Variants in SPATS2 observed in about 807,000 individuals in gnomAD.
SPATS2 encodes the protein spermatogenesis associated serine rich 2.
SPATS2 carries 38 observed loss-of-function variants against 63.7 expected under a neutral mutation model. The observed-to-expected ratio is 0.60, with a 90% CI of 0.46 to 0.78. The LOEUF (loss-of-function observed/expected upper bound fraction) is 0.78. Ranked by LOEUF, SPATS2 falls within the 30% of genes least tolerant of loss-of-function variation. The pLI, the probability that SPATS2 is intolerant of heterozygous loss-of-function variation, is 0.00. For missense variants in SPATS2, 588 were observed against 666.2 expected (o/e 0.88, Z 1.29); for synonymous variants, 207 against 232.9 (o/e 0.89, Z 1.01).
At chr12:49,390,271 G>T in intron 2 of SPATS2, 1 of 618,036 alleles carries the variant, frequency 1.6e-6, no homozygotes. Flanking sequence ...CTTTAAATAT[G>T]TACAGTGTAC....
intron 2 of SPATS2, among the ~76,000 whole-genome samples, chr12:49,424,711 C>G (rs1945041499): frequency 6.6e-6 from 1 of 152,118 alleles, no homozygotes; most frequent in East Asian, 1.9e-4. Context: ...GAGTTTTGCT[C>G]TTTTGCCCAG....
chr12:49,386,981 G>C (rs1242807275), intron 2 of SPATS2: 1 of 152,166 alleles, frequency 6.6e-6, no homozygotes, highest in Non-Finnish European at 1.5e-5. Flanking sequence ...TAGTGTAGAA[G>C]GTCACAGTAA....
At chr12:49,392,602 A>G (rs1279620818) in intron 2 of SPATS2, among the ~76,000 whole-genome samples, 1 of 151,656 alleles carries the variant, frequency 6.6e-6, no homozygotes, top group Non-Finnish European at 1.5e-5. Flanking sequence ...AGTCCCAGCT[A>G]CTCAGGAAGC....
At chr12:49,525,245 G>A (rs1001592495) in intron 13 of SPATS2, among the ~76,000 whole-genome samples, 1 of 152,216 alleles carries the variant, frequency 6.6e-6, no homozygotes, top group Admixed American at 6.5e-5. Flanking sequence ...TCTGAAAGCA[G>A]CAGCTCCCTA....
At chr12:49,402,045 C>T (rs1439708066) in intron 2 of SPATS2, among the ~76,000 whole-genome samples, 1 of 152,218 alleles carries the variant, frequency 6.6e-6, no homozygotes, top group African/African-American at 2.4e-5. Context: ...GGTGCAAACA[C>T]GGCTCATCGC....
At chr12:49,403,611 A>ACT (rs986752342) in intron 2 of SPATS2, among the ~76,000 whole-genome samples, 3 of 150,474 alleles carry the variant, frequency 2.0e-5, no homozygotes, top group Non-Finnish European at 4.4e-5. Context: ...ACACACACAC[A>ACT]CACACACACA....
At chr12:49,367,296 G>C (rs888235359), upstream of SPATS2, 7 of 363,970 alleles carry the variant, frequency 1.9e-5, no homozygotes, top group African/African-American at 1.3e-4. Context: ...GCGCGCACGC[G>C]CCCGAGAGGG....
At chr12:49,404,323 G>C (rs1944659274) in intron 2 of SPATS2, among the ~76,000 whole-genome samples, 1 of 133,944 alleles carries the variant, frequency 7.5e-6, no homozygotes, top group South Asian at 2.4e-4. Flanking sequence ...ATCTTGCTCT[G>C]TTGCCTAGAC....
At chr12:49,455,400 A>G (rs1202866011) in intron 2 of SPATS2, among the ~76,000 whole-genome samples, 1 of 152,162 alleles carries the variant, frequency 6.6e-6, no homozygotes, top group Non-Finnish European at 1.5e-5. Flanking sequence ...AACATTTACC[A>G]AGGTCTCCTA....
intron 2 of SPATS2, among the ~76,000 whole-genome samples, chr12:49,409,285 A>G (rs1233609187): frequency 6.6e-6 from 1 of 152,052 alleles, no homozygotes; most frequent in African/African-American, 2.4e-5. Context: ...AGAATATTTT[A>G]GAAGTTTTTT....
intron 2 of SPATS2, among the ~76,000 whole-genome samples, chr12:49,456,405 A>G (rs1014350207): frequency 2.0e-5 from 3 of 152,236 alleles, no homozygotes; most frequent in Admixed American, 6.5e-5. Context: ...AAGGGATGAT[A>G]AAGAGGCCAG....
At position 49,494,941 on chromosome 12, in the gene SPATS2, A is replaced by G. The variant is rs777584207; in HGVS notation, c.465A>G (p.Ser155=). The G allele has an allele frequency of 1.9e-6, 3 of 1,614,034 alleles. No homozygotes were observed. Among genetic ancestry groups the G allele is most frequent in the Non-Finnish European group, 2.5e-6 (3 of 1,179,984 alleles). The change falls in exon 7 of 14, where the codon TCA becomes TCG. Residue 155 remains serine (S), a synonymous_variant. Transcript: ENST00000552918. ...DSLSEGLETL[S]IDARELEDPE... ...TCAGTGAAGGTTTGGAGACACTTTC[A>G]ATAGATGCCAGAGAATTGGAGGATC...
At chr12:49,385,671 G>A (rs1254358709) in intron 2 of SPATS2, among the ~76,000 whole-genome samples, 4 of 152,060 alleles carry the variant, frequency 2.6e-5, no homozygotes, top group Non-Finnish European at 5.9e-5. Context: ...GTGCTTAGCT[G>A]AGAGTGAGGA....
At chr12:49,464,976 T>C (rs1345575698) in intron 3 of SPATS2, among the ~76,000 whole-genome samples, 3 of 152,232 alleles carry the variant, frequency 2.0e-5, no homozygotes, top group African/African-American at 7.2e-5. Flanking sequence ...CACATATTAG[T>C]ACAATATAGA....
At chr12:49,520,010 G>A (rs1224946098) in intron 11 of SPATS2, among the ~76,000 whole-genome samples, 2 of 146,240 alleles carry the variant, frequency 1.4e-5, no homozygotes, top group South Asian at 2.2e-4. Context: ...TCGGAGTTTC[G>A]CTCTTGTTGC....
intron 2 of SPATS2, among the ~76,000 whole-genome samples, chr12:49,378,671 C>T (rs981252902): frequency 4.6e-5 from 7 of 151,916 alleles, no homozygotes; most frequent in African/African-American, 1.7e-4. Flanking sequence ...TCATGGCTTA[C>T]TGCAGCCTCG....
At chr12:49,469,557 A>AG (rs767107238) in intron 3 of SPATS2, 120 of 430,770 alleles carry the variant, frequency 2.8e-4, no homozygotes, top group African/African-American at 1.0e-3. Flanking sequence ...AAAAAAAAAA[A>AG]AAAAAAAGAA....
At chr12:49,500,288 T>C in intron 9 of SPATS2, 83 bp downstream of exon 9, 2 of 1,422,710 alleles carry the variant, frequency 1.4e-6, no homozygotes, top group Non-Finnish European at 9.4e-7. Flanking sequence ...CCCAAGTTCA[T>C]TCATTCATGA....
intron 2 of SPATS2, among the ~76,000 whole-genome samples, chr12:49,442,961 T>G (rs1945449037): frequency 6.6e-6 from 1 of 152,176 alleles, no homozygotes; most frequent in South Asian, 2.1e-4. Flanking sequence ...TCTCTATGAA[T>G]TTGACTAGCT....
Sources: gnomAD v4.1 joint callset for allele counts (sites outside exome capture counted in the v4.1 genomes callset) on GRCh38, gnomAD v4.1.1 for gene constraint, MANE v1.5 for transcripts, NCBI Gene and HGNC (gene_info 2026-07-23, HGNC 2026-07-21) for gene names.